The following PDLIM5 variants were observed in gnomAD, a reference collection of about 807,000 sequenced individuals.
The protein encoded by PDLIM5 is PDZ and LIM domain protein 5.
In PDLIM5, 34 loss-of-function variants were observed where a neutral mutation model predicts 64.2. The observed-to-expected ratio is 0.53, with a 90% confidence interval of 0.40 to 0.71. PDLIM5 has a LOEUF of 0.71. PDLIM5 is among the 30% of genes least tolerant of loss of function. The pLI, the probability that PDLIM5 is intolerant of heterozygous loss-of-function variation, is 0.00. For synonymous variants in PDLIM5, 253 were observed against 269.1 expected, an observed-to-expected ratio of 0.94 and a Z score of 0.59; for missense variants, 683 against 733.6, an observed-to-expected ratio of 0.93 and a Z score of 0.80.
At chr4:94,614,003 A>G (rs985149527) in intron 7 of PDLIM5, among the ~76,000 whole-genome samples, 5 of 121,752 alleles carry the variant, frequency 4.1e-5, no homozygotes, top group East Asian at 2.3e-4. Flanking sequence ...TTGCTCTTTC[A>G]CCAGGCTGGA....
chr4:94,665,508 A>ATT lies in PDLIM5; in HGVS notation c.*1441_*1442insTT. On this transcript the variant is annotated 3_prime_UTR_variant, in exon 13 of 13. Coordinates refer to ENST00000317968, the MANE Select transcript of PDLIM5 (RefSeq NM_006457.5). ...AAAAAAAAAAAAAAAAAAAAAAAAG[A>ATT]GAGAGAGAGAATAAATAGAAAAGAA... 3 of 584,350 alleles carry ATT rather than the reference A, an allele frequency of 5.1e-6. No individual in the cohort carries two copies. The highest frequency in any genetic ancestry group is 6.2e-6 in the Non-Finnish European group (3 of 481,158). The allele number at this position is 584,350 out of a possible 1,614,324, so 36.2% of individuals were successfully genotyped here.
At chr4:94,573,659 G>T (rs1368408549) in intron 4 of PDLIM5, 5 of 453,900 alleles carry the variant, frequency 1.1e-5, no homozygotes, top group Non-Finnish European at 2.0e-5. Flanking sequence ...ATTCACTTTT[G>T]ATGAGCCCAT....
At chr4:94,554,371 C>T (rs925886724) in intron 3 of PDLIM5, among the ~76,000 whole-genome samples, 5 of 152,152 alleles carry the variant, frequency 3.3e-5, no homozygotes, top group African/African-American at 1.2e-4. Context: ...AAAAAAGAAA[C>T]TCATCTGCCC....
chr4:94,465,657 T>A (rs1401737103), intron 2 of PDLIM5, among the ~76,000 whole-genome samples: 1 of 152,042 alleles, frequency 6.6e-6, no homozygotes, highest in African/African-American at 2.4e-5. Context: ...CCTCAGCTTA[T>A]CAAAGTGCTG....
chr4:94,533,214 A>G (rs543797051), intron 3 of PDLIM5, among the ~76,000 whole-genome samples: 219 of 152,360 alleles, frequency 1.4e-3, no homozygotes, highest in Non-Finnish European at 2.2e-3. Flanking sequence ...CAGTTTGACA[A>G]TAAACAGATC....
In PDLIM5 at chr4:94,594,948, T is replaced by C. The variant is rs80243375; in HGVS notation, c.920+8504T>C. Among the ~76,000 whole-genome samples the C allele has an allele frequency of 3.3e-5, 5 of 152,310 alleles. No individual in the cohort carries two copies. In the East Asian group the frequency reaches 9.6e-4, roughly 29 times the overall value. ...GACAGTAATTTATGAGGAAGCGGTTTGATTGACTCATAGTTCCACAGGCTT... is the reference window on the plus strand; with the variant it reads ...GACAGTAATTTATGAGGAAGCGGTTCGATTGACTCATAGTTCCACAGGCTT... On this transcript the variant is annotated intron_variant, in intron 7 of 12. Coordinates refer to ENST00000317968, the MANE Select transcript of PDLIM5 (RefSeq NM_006457.5).
intron 2 of PDLIM5, among the ~76,000 whole-genome samples, chr4:94,481,818 C>T (rs919580584): frequency 1.3e-5 from 2 of 151,972 alleles, no homozygotes; most frequent in African/African-American, 2.4e-5. Context: ...ACCGTGTTAG[C>T]CAGGATGGTC....
In PDLIM5 at chr4:94,666,105, C is replaced by T; in HGVS notation, c.*2038C>T. 5 of 1,205,434 alleles carry T rather than the reference C, an allele frequency of 4.1e-6. No individual in the cohort carries two copies. Among genetic ancestry groups the T allele is most frequent in the South Asian group, 4.1e-5 (3 of 73,992 alleles). The allele number at this position is 1,205,434 out of a possible 1,614,324, so 74.7% of individuals were successfully genotyped here. A position where few individuals can be genotyped will look rare whatever the true frequency, so the allele number is the denominator to read the frequency against. ...GGTGATTTTATAGTCGAGACAGAGC[C>T]CTAGGTCCTTCCTGCCCCATCACTC... On this transcript the variant is annotated 3_prime_UTR_variant, in exon 13 of 13. Transcript: ENST00000317968.
At position 94,664,912 on chromosome 4, in the gene PDLIM5, G is replaced by A. The variant is rs1742997403; in HGVS notation, c.*845G>A. 3 of 980,032 alleles carry A rather than the reference G, an allele frequency of 3.1e-6. No homozygotes were observed. The African/African-American group carries it at 5.3e-5, about 17-fold the overall frequency. The allele number at this position is 980,032 out of a possible 1,614,324, so 60.7% of individuals were successfully genotyped here. A position where few individuals can be genotyped will look rare whatever the true frequency, so the allele number is the denominator to read the frequency against. On this transcript the variant is annotated 3_prime_UTR_variant, in exon 13 of 13. Coordinates refer to ENST00000317968, the MANE Select transcript of PDLIM5 (RefSeq NM_006457.5). ...TGTATATTATTTTTGCCTTACAGTGGATCATTCTAGTAGGAAAGGACAATA... is the reference window on the plus strand; with the variant it reads ...TGTATATTATTTTTGCCTTACAGTGAATCATTCTAGTAGGAAAGGACAATA...
intron 5 of PDLIM5, among the ~76,000 whole-genome samples, 173 bp downstream of exon 5, chr4:94,576,207 G>A (rs933976378): frequency 3.3e-5 from 5 of 152,164 alleles, no homozygotes; most frequent in Non-Finnish European, 7.3e-5. Context: ...TTTCTGCAAA[G>A]CAATTATCAC....
intron 3 of PDLIM5, among the ~76,000 whole-genome samples, chr4:94,540,475 A>T (rs1458785231): frequency 6.6e-6 from 1 of 152,214 alleles, no homozygotes; most frequent in African/African-American, 2.4e-5. Flanking sequence ...TAATTTGTCT[A>T]ACGTCACACA....
intron 2 of PDLIM5, among the ~76,000 whole-genome samples, chr4:94,497,611 G>C (rs1004326583): frequency 2.6e-5 from 4 of 152,110 alleles, no homozygotes; most frequent in Admixed American, 6.6e-5. Flanking sequence ...ACATCTACTT[G>C]AACTATTCTG....
rs749042334 is a variant in PDLIM5, at chr4:94,578,566, C to T, written c.710+2532C>T. Among the ~76,000 whole-genome samples the T allele has an allele frequency of 3.7e-4, 56 of 152,060 alleles. 1 individual carries two copies. The highest frequency in any genetic ancestry group is 5.1e-4 in the Non-Finnish European group (35 of 67,986). ...GTGAAACTCTGAGACACATTGGTAGCGCCCTTTCATTCACGATATTTAGAC... is the reference window on the plus strand; with the variant it reads ...GTGAAACTCTGAGACACATTGGTAGTGCCCTTTCATTCACGATATTTAGAC... On this transcript the variant is annotated intron_variant, in intron 5 of 12. Coordinates refer to ENST00000317968, the MANE Select transcript of PDLIM5 (RefSeq NM_006457.5).
chr4:94,489,193 AAT>A (rs1224416939), intron 2 of PDLIM5: 1 of 152,176 alleles, frequency 6.6e-6, no homozygotes, highest in East Asian at 1.9e-4. Context: ...GGAGGAATAG[AAT>A]GGCTAATTGA....
intron 12 of PDLIM5, among the ~76,000 whole-genome samples, 154 bp from the exon 13 acceptor site, chr4:94,663,824 C>T (rs1470694278): frequency 3.3e-5 from 5 of 152,070 alleles, no homozygotes; most frequent in South Asian, 2.1e-4. Flanking sequence ...TTATAGTAAT[C>T]GTCAAATATT....
chr4:94,557,506 A>G (rs1293757744), intron 3 of PDLIM5, among the ~76,000 whole-genome samples: 1 of 152,096 alleles, frequency 6.6e-6, no homozygotes, highest in Non-Finnish European at 1.5e-5. Flanking sequence ...CAGTATGGCC[A>G]TTTTCACGAT....
intron 10 of PDLIM5, among the ~76,000 whole-genome samples, chr4:94,655,814 C>A (rs1314842417): frequency 6.6e-6 from 1 of 152,184 alleles, no homozygotes; most frequent in Non-Finnish European, 1.5e-5. Flanking sequence ...TGGGCCAGAA[C>A]TTCAATAGCT....
chr4:94,523,680 C>A lies in PDLIM5; in HGVS notation c.97-44C>A, dbSNP rs770886177. On this transcript the variant is annotated intron_variant, in intron 2 of 12. Transcript: ENST00000317968. ...ATAATTTTTATCAGCATTTATTATTCTTTTTCAAAGAGTGACACTCCTAAT... is the reference window on the plus strand; with the variant it reads ...ATAATTTTTATCAGCATTTATTATTATTTTTCAAAGAGTGACACTCCTAAT... 90 of 1,496,356 alleles carry A rather than the reference C, an allele frequency of 6.0e-5. No individual in the cohort carries two copies. The East Asian group carries it at 1.8e-3, about 30-fold the overall frequency. The allele number at this position is 1,496,356 out of a possible 1,614,324, so 92.7% of individuals were successfully genotyped here. A position where few individuals can be genotyped will look rare whatever the true frequency, so the allele number is the denominator to read the frequency against.
chr4:94,496,962 G>C (rs951039388), intron 2 of PDLIM5, among the ~76,000 whole-genome samples: 6 of 152,184 alleles, frequency 3.9e-5, no homozygotes, highest in African/African-American at 1.4e-4. Context: ...TAGTTGCCCT[G>C]TAAATTTTTA....
Sources: gnomAD v4.1 joint callset for allele counts (sites outside exome capture counted in the v4.1 genomes callset) on GRCh38, gnomAD v4.1.1 for gene constraint, MANE v1.5 for transcripts, NCBI Gene and HGNC (gene_info 2026-07-23, HGNC 2026-07-21) for gene names.